The following MED27 variants were observed in gnomAD, a reference collection of about 807,000 sequenced individuals.
MED27 encodes mediator complex subunit 27, also known as mediator of RNA polymerase II transcription subunit 27.
A neutral mutation model predicts 38.2 loss-of-function variants in MED27; 30 were observed. That is an observed-to-expected ratio of 0.79 (90% CI 0.59 to 1.07). The LOEUF (loss-of-function observed/expected upper bound fraction) is 1.07. Among genes scored for constraint, MED27 ranks in the 50% least tolerant of loss-of-function variants. MED27 has a pLI of 0.00. For missense variants in MED27, 289 were observed against 397.5 expected (o/e 0.73, Z 2.32); for synonymous variants, 122 against 153.5 (o/e 0.79, Z 1.52).
At position 132,044,596 on chromosome 9, in the gene MED27, A is replaced by C. The variant is rs1380458709; in HGVS notation, c.349-30129T>G. On this transcript the variant is annotated intron_variant, in intron 2 of 7. Coordinates refer to ENST00000292035, the MANE Select transcript of MED27 (RefSeq NM_004269.4). The stretch of plus-strand genomic sequence containing the variant: ...AGGCCGCCCACTGCACCAGATTTTC[A>C]GTGTGTAAGCTAACTTTGTTTATCC... Among the ~76,000 whole-genome samples the C allele has an allele frequency of 2.6e-5, 4 of 152,326 alleles. No homozygotes were observed. In the East Asian group the frequency reaches 5.8e-4, roughly 22 times the overall value.
rs919695976 is a variant in MED27, at chr9:131,897,760, T to C, written c.574-3768A>G. ...CGTGTATATGTTTTTAAATCTTCCA[T>C]AATAAGAAGTTTTTAAAAATCAATT... On this transcript the variant is annotated intron_variant, in intron 4 of 7. Coordinates refer to ENST00000292035, the MANE Select transcript of MED27 (RefSeq NM_004269.4). Among the ~76,000 whole-genome samples the C allele has an allele frequency of 2.6e-5, 4 of 152,196 alleles. No individual in the cohort carries two copies. The East Asian group carries it at 7.7e-4, about 29-fold the overall frequency.
In MED27 at chr9:131,873,945, A is replaced by C. The variant is rs538695252; in HGVS notation, c.723+10113T>G. 3.3e-5 allele frequency among the ~76,000 whole-genome samples: 5 copies of C among 151,972 alleles called. No homozygotes were observed. The East Asian group carries it at 9.7e-4, about 29-fold the overall frequency. ...CTGACGCCTGAAAGGGAAGCCCCCA[A>C]CTCCCTGGACCCTTGAGTGCAGACT... On this transcript the variant is annotated intron_variant, in intron 6 of 7. Transcript: ENST00000292035.
chr9:131,979,834 G>GCTGGCTGA (rs1352657971), intron 3 of MED27, among the ~76,000 whole-genome samples: 4 of 151,318 alleles, frequency 2.6e-5, no homozygotes, highest in African/African-American at 4.9e-5. Context: ...AAACAAGATG[G>GCTGGCTGA]CTGGCTGGCT....
At chr9:131,967,597 T>C (rs928262854) in intron 3 of MED27, among the ~76,000 whole-genome samples, 2 of 151,818 alleles carry the variant, frequency 1.3e-5, no homozygotes, top group Non-Finnish European at 2.9e-5. Context: ...GTTCAAGCAA[T>C]TCTCCTGCTT....
chr9:131,939,245 A>G (rs533998838), intron 4 of MED27, 136 bp downstream of exon 4: 2 of 482,888 alleles, frequency 4.1e-6, no homozygotes, highest in African/African-American at 4.0e-5. Context: ...GAATGCCAGT[A>G]AAGAAACTAT....
intron 2 of MED27, among the ~76,000 whole-genome samples, chr9:132,059,331 T>C (rs1833650248): frequency 6.6e-6 from 1 of 152,174 alleles, no homozygotes; most frequent in East Asian, 1.9e-4. Flanking sequence ...GGGGGCTTAG[T>C]GAAAGGGAGG....
chr9:131,977,382 A>G (rs1221790127), intron 3 of MED27, among the ~76,000 whole-genome samples: 1 of 152,194 alleles, frequency 6.6e-6, no homozygotes, highest in African/African-American at 2.4e-5. Context: ...AGCCTTAGAC[A>G]ATATTTCTGG....
chr9:131,969,967 G>C (rs965528256), intron 3 of MED27, among the ~76,000 whole-genome samples: 2 of 144,332 alleles, frequency 1.4e-5, no homozygotes, highest in Non-Finnish European at 3.0e-5. Flanking sequence ...CTGGAGGGCT[G>C]GGGGGGGGTG....
At chr9:131,871,454 C>A (rs1006678664) in intron 6 of MED27, among the ~76,000 whole-genome samples, 1 of 152,188 alleles carries the variant, frequency 6.6e-6, no homozygotes, top group African/African-American at 2.4e-5. Context: ...CTTTAAAAAG[C>A]AAGGGCCTGT....
intron 3 of MED27, among the ~76,000 whole-genome samples, chr9:132,002,543 T>C (rs1832260435): frequency 6.6e-6 from 1 of 152,142 alleles, no homozygotes; most frequent in African/African-American, 2.4e-5. Context: ...TGATGACTTA[T>C]AACCCTAACC....
rs1192428035 is a variant in MED27 at position 132,051,127 on chromosome 9, T to C, written c.348+26315A>G. Among the ~76,000 whole-genome samples, 1 of 152,212 alleles carries C rather than the reference T, an allele frequency of 6.6e-6. No individual in the cohort carries two copies. Among genetic ancestry groups the C allele is most frequent in the Admixed American group, 6.5e-5 (1 of 15,284 alleles). On this transcript the variant is annotated intron_variant, in intron 2 of 7. Coordinates refer to ENST00000292035, the MANE Select transcript of MED27 (RefSeq NM_004269.4). The surrounding 1 kb of genome is among the most constrained non-coding windows in gnomAD (Gnocchi z 4.2). ...TGTCAAGACACAGCAGTTTTTGTAATCAATTATGAGATGTGTCCCAAATAA... is the reference window on the plus strand; with the variant it reads ...TGTCAAGACACAGCAGTTTTTGTAACCAATTATGAGATGTGTCCCAAATAA...
intron 2 of MED27, among the ~76,000 whole-genome samples, chr9:132,032,480 AG>A: frequency 6.6e-6 from 1 of 152,288 alleles, no homozygotes; most frequent in East Asian, 1.9e-4. Flanking sequence ...GGTTGAAAAT[AG>A]TTACACAGTT....
chr9:131,868,044 A>G (rs78708998), intron 6 of MED27, among the ~76,000 whole-genome samples: 7,265 of 152,328 alleles, frequency 0.048, 262 homozygotes, highest in Non-Finnish European at 0.073. Flanking sequence ...ATGAATCAAA[A>G]TGAATGGTAC....
chr9:131,868,323 G>A (rs1838770454), intron 6 of MED27, among the ~76,000 whole-genome samples: 1 of 152,194 alleles, frequency 6.6e-6, no homozygotes. Flanking sequence ...CTGTCGCCTA[G>A]GCTGGAGGGC....
At chr9:132,024,480 A>T (rs553697466) in intron 2 of MED27, among the ~76,000 whole-genome samples, 137 of 152,348 alleles carry the variant, frequency 9.0e-4, no homozygotes, top group Non-Finnish European at 9.4e-4. Context: ...AACACCAGGA[A>T]TGACTGAATT....
chr9:131,864,007 G>T (rs4385508), intron 6 of MED27, among the ~76,000 whole-genome samples: 1 of 152,078 alleles, frequency 6.6e-6, no homozygotes, highest in African/African-American at 2.4e-5. Context: ...CCCTTCCAAG[G>T]AGCAAAGGGG....
At chr9:131,998,563 T>C (rs1832148594) in intron 3 of MED27, among the ~76,000 whole-genome samples, 1 of 152,230 alleles carries the variant, frequency 6.6e-6, no homozygotes, top group Admixed American at 6.5e-5. Context: ...TGTCAGAGGT[T>C]CCTTAGGGGT....
intron 4 of MED27, among the ~76,000 whole-genome samples, chr9:131,904,476 C>A (rs1207256705): frequency 6.6e-6 from 1 of 152,002 alleles, no homozygotes; most frequent in African/African-American, 2.4e-5. Context: ...TCATAGCTCA[C>A]TGCAGCCTGG....
chr9:131,970,274 C>T (rs1183083215), intron 3 of MED27, among the ~76,000 whole-genome samples: 3 of 152,216 alleles, frequency 2.0e-5, no homozygotes, highest in Non-Finnish European at 2.9e-5. Flanking sequence ...ACAAAGCCGG[C>T]GGGACGCCCG....
Sources: gnomAD v4.1 joint callset for allele counts (sites outside exome capture counted in the v4.1 genomes callset) on GRCh38, gnomAD v4.1.1 for gene constraint, Gnocchi (gnomAD v3.1) non-coding constraint, MANE v1.5 for transcripts, NCBI Gene and HGNC (gene_info 2026-07-23, HGNC 2026-07-21) for gene names.